Variants in BICD1 observed in about 807,000 individuals in gnomAD.
BICD1 encodes protein bicaudal D homolog 1.
In BICD1, 35 loss-of-function variants were observed where a neutral mutation model predicts 92.5. The ratio of observed to expected loss-of-function variants is 0.38; its 90% CI spans 0.29 to 0.50. BICD1 has a LOEUF of 0.50. BICD1 is among the 20% of genes least tolerant of loss of function. The probability of loss-of-function intolerance (pLI) is 0.93; values close to 1 mark genes in which losing one functional copy is unlikely to be tolerated. For synonymous variants in BICD1, 429 were observed against 465.1 expected (o/e 0.92, Z 1.00); for missense variants, 950 against 1,189.8 (o/e 0.80, Z 2.97).
chr12:32,269,037 G>T (rs1229653647), intron 2 of BICD1, among the ~76,000 whole-genome samples: 6 of 152,082 alleles, frequency 3.9e-5, no homozygotes, highest in Non-Finnish European at 7.4e-5. Flanking sequence ...GTCTGGGATG[G>T]GACTTGAGAA....
intron 2 of BICD1, among the ~76,000 whole-genome samples, chr12:32,219,675 A>G (rs1945457311): frequency 6.6e-6 from 1 of 152,200 alleles, no homozygotes. Flanking sequence ...CAGTAGAATT[A>G]CACATTTTTA....
chr12:32,245,271 G>T (rs2077162230), intron 2 of BICD1, among the ~76,000 whole-genome samples: 1 of 150,244 alleles, frequency 6.7e-6, no homozygotes, highest in South Asian at 2.1e-4. Flanking sequence ...TTTTGAGACG[G>T]AGTCTCGCTC....
At chr12:32,202,088 T>C (rs1433768689) in intron 1 of BICD1, among the ~76,000 whole-genome samples, 5 of 152,234 alleles carry the variant, frequency 3.3e-5, no homozygotes, top group Non-Finnish European at 5.9e-5. Flanking sequence ...CCCACCATTT[T>C]TGAACCCAAG....
intron 2 of BICD1, among the ~76,000 whole-genome samples, chr12:32,282,913 A>T (rs1947459430): frequency 6.6e-6 from 1 of 152,206 alleles, no homozygotes; most frequent in South Asian, 2.1e-4. Context: ...AGGATTGAGG[A>T]GGAATGTGAT....
chr12:32,223,346 C>T (rs946843389), intron 2 of BICD1, among the ~76,000 whole-genome samples: 41 of 152,046 alleles, frequency 2.7e-4, no homozygotes, highest in Non-Finnish European at 3.8e-4. Context: ...GGTGAAACCC[C>T]GTCTCTACTA....
intron 8 of BICD1, 43 bp from the exon 9 acceptor site, chr12:32,367,627 G>T: frequency 6.3e-7 from 1 of 1,578,978 alleles, no homozygotes. Context: ...ACCTTGCTCT[G>T]TCATCTCTTT....
chr12:32,136,961 C>T (rs1942754749), intron 1 of BICD1, among the ~76,000 whole-genome samples: 2 of 152,210 alleles, frequency 1.3e-5, no homozygotes, highest in Admixed American at 1.3e-4. Context: ...GCTATATTAT[C>T]AGCTTTGCTT....
chr12:32,238,044 A>G (rs1946123437), intron 2 of BICD1, among the ~76,000 whole-genome samples: 1 of 152,254 alleles, frequency 6.6e-6, no homozygotes, highest in African/African-American at 2.4e-5. Flanking sequence ...AGGAGGTCAA[A>G]TTATCAACAT....
intron 5 of BICD1, among the ~76,000 whole-genome samples, chr12:32,329,429 C>T (rs1937733150): frequency 6.6e-6 from 1 of 152,162 alleles, no homozygotes; most frequent in South Asian, 2.1e-4. Flanking sequence ...GTGTTTTGTC[C>T]TTCATCCCAA....
intron 2 of BICD1, among the ~76,000 whole-genome samples, chr12:32,266,037 C>T (rs1946986466): frequency 6.6e-6 from 1 of 152,162 alleles, no homozygotes; most frequent in African/African-American, 2.4e-5. Context: ...CATTGCTTCT[C>T]ACAAATTTGT....
intron 1 of BICD1, among the ~76,000 whole-genome samples, chr12:32,213,961 T>G (rs528421724): frequency 6.6e-6 from 1 of 152,380 alleles, no homozygotes; most frequent in South Asian, 2.1e-4. Flanking sequence ...TGCTAAATGC[T>G]GATATATTTT....
intron 1 of BICD1, among the ~76,000 whole-genome samples, chr12:32,196,099 C>T (rs1470166009): frequency 6.6e-6 from 1 of 152,058 alleles, no homozygotes; most frequent in Admixed American, 6.5e-5. Flanking sequence ...TGAGCTATCA[C>T]CTTGCACCTG....
At chr12:32,374,285 A>T (rs778799954) in intron 9 of BICD1, among the ~76,000 whole-genome samples, 2 of 152,004 alleles carry the variant, frequency 1.3e-5, no homozygotes, top group Non-Finnish European at 2.9e-5. Context: ...ATTCTGCATT[A>T]CTTGCCATAA....
At chr12:32,330,413 G>A (rs1403160314) in intron 5 of BICD1, among the ~76,000 whole-genome samples, 1 of 142,202 alleles carries the variant, frequency 7.0e-6, no homozygotes, top group African/African-American at 2.6e-5. Context: ...ATCACACACC[G>A]GGGCCTGTTG....
chr12:32,117,964 G>C (rs1198438808), intron 1 of BICD1, among the ~76,000 whole-genome samples: 3 of 151,316 alleles, frequency 2.0e-5, no homozygotes, highest in African/African-American at 7.3e-5. Context: ...TGGTCAGGCT[G>C]GTCGCGAACT....
intron 1 of BICD1, among the ~76,000 whole-genome samples, chr12:32,170,373 C>T (rs1943900418): frequency 6.6e-6 from 1 of 152,262 alleles, no homozygotes; most frequent in Admixed American, 6.5e-5. Context: ...GATATACATT[C>T]AATAAATAAA....
At position 32,360,002 on chromosome 12, in the gene BICD1, G is replaced by A. The variant is rs574395856; in HGVS notation, c.2765-7668G>A. ...GGATCGAGACCATCCTGGCTAACAC[G>A]GTGAAACCCCGTCTCTACTAAAAAT... is the stretch of plus-strand genomic sequence containing the variant. On this transcript the variant is annotated intron_variant, in intron 8 of 9. Transcript: ENST00000652176. Among the ~76,000 whole-genome samples, 108 of 152,118 alleles carry A rather than the reference G, an allele frequency of 7.1e-4. 1 individual carries two copies. Among genetic ancestry groups the A allele is most frequent in the Non-Finnish European group, 3.1e-4 (21 of 67,984 alleles).
intron 2 of BICD1, among the ~76,000 whole-genome samples, chr12:32,231,848 T>A (rs1945901822): frequency 1.3e-5 from 2 of 151,680 alleles, no homozygotes; most frequent in African/African-American, 4.8e-5. Context: ...TTTGTTTTTT[T>A]GTTCTTGTGA....
At chr12:32,213,946 G>T (rs1945284781) in intron 1 of BICD1, among the ~76,000 whole-genome samples, 1 of 152,108 alleles carries the variant, frequency 6.6e-6, no homozygotes, top group Non-Finnish European at 1.5e-5. Context: ...ACAGTTATTA[G>T]TGTTTGCTAA....
Sources: allele counts gnomAD v4.1 joint callset (sites outside exome capture counted in the v4.1 genomes callset), GRCh38; gene constraint gnomAD v4.1.1; transcripts MANE v1.5; gene names NCBI Gene and HGNC (gene_info 2026-07-23, HGNC 2026-07-21).